Variants in MITF observed in about 807,000 individuals in gnomAD.
MITF encodes melanocyte inducing transcription factor.
A neutral mutation model predicts 60.5 loss-of-function variants in MITF; 17 were observed. The ratio of observed to expected loss-of-function variants is 0.28; its 90% CI spans 0.19 to 0.42. The LOEUF is 0.42. Among genes scored for constraint, MITF ranks in the 10% least tolerant of loss-of-function variants. MITF has a pLI of 1.00. For missense variants in MITF, 622 were observed against 683.5 expected, an observed-to-expected ratio of 0.91 and a Z score of 1.00; for synonymous variants, 260 against 248.5, an observed-to-expected ratio of 1.05 and a Z score of -0.43.
intron 2 of MITF, among the ~76,000 whole-genome samples, chr3:69,935,627 C>T (rs2065815798): frequency 1.3e-5 from 2 of 152,268 alleles, no homozygotes; most frequent in East Asian, 1.9e-4. Flanking sequence ...ATTTAGACAA[C>T]ATTATTGAAC....
intron 1 of MITF, among the ~76,000 whole-genome samples, chr3:69,841,338 C>T (rs1336613350): frequency 1.3e-5 from 2 of 152,172 alleles, no homozygotes; most frequent in African/African-American, 4.8e-5. Context: ...TGTTCAAACA[C>T]ATCTTTGTTT....
chr3:69,771,826 G>A (rs1265270585), intron 1 of MITF, among the ~76,000 whole-genome samples: 3 of 152,196 alleles, frequency 2.0e-5, no homozygotes, highest in Non-Finnish European at 4.4e-5. Flanking sequence ...ACAGATGTGT[G>A]TAGAGAATTG....
chr3:69,931,752 G>A (rs2065728693), intron 2 of MITF, among the ~76,000 whole-genome samples: 1 of 152,110 alleles, frequency 6.6e-6, no homozygotes, highest in South Asian at 2.1e-4. Flanking sequence ...CCTGGAATAT[G>A]CACCTGGAAT....
At chr3:69,834,460 T>C (rs919404199) in intron 1 of MITF, among the ~76,000 whole-genome samples, 1 of 152,214 alleles carries the variant, frequency 6.6e-6, no homozygotes, top group Admixed American at 6.5e-5. Flanking sequence ...TCCCTTAACA[T>C]GATAGCCTCC....
chr3:69,897,361 T>C (rs2064898655), intron 2 of MITF, among the ~76,000 whole-genome samples: 1 of 152,076 alleles, frequency 6.6e-6, no homozygotes, highest in African/African-American at 2.4e-5. Context: ...GAGTAAAGTA[T>C]ATGGAACCTT....
At position 69,739,659 on chromosome 3, in the gene MITF, C is replaced by G; in HGVS notation, c.62C>G (p.Pro21Arg). 6.3e-7 allele frequency: 1 copy of G among 1,583,762 alleles called. No individual in the cohort carries two copies. Among genetic ancestry groups the G allele is most frequent in the Non-Finnish European group, 8.6e-7 (1 of 1,163,274 alleles). The stretch of plus-strand genomic sequence containing the variant: ...GTCGGGGAGGAGTTTCATGAAGAGC[C>G]CAAAACCTATTACGAACTCAAAAGT... The part of the protein sequence containing the change: ...FEVGEEFHEE[P>R]KTYYELKSQP... Residue 21 changes from proline to arginine, a missense_variant, in exon 1 of 10, where the codon CCC (proline) becomes CGC (arginine). Physicochemically the swap from Pro to Arg is moderately radical, Grantham distance 103 (BLOSUM62 -2). Transcript: ENST00000352241.
At chr3:69,771,550 G>A (rs944222588) in intron 1 of MITF, among the ~76,000 whole-genome samples, 5 of 152,210 alleles carry the variant, frequency 3.3e-5, no homozygotes, top group African/African-American at 1.2e-4. Context: ...ACACATAGCT[G>A]CTTCAGCCAT....
At chr3:69,874,834 G>T (rs186910414) in intron 1 of MITF, among the ~76,000 whole-genome samples, 1 of 152,260 alleles carries the variant, frequency 6.6e-6, no homozygotes, top group East Asian at 1.9e-4. Flanking sequence ...GATATTGTTA[G>T]GTGGCTGACA....
At chr3:69,808,120 A>G (rs1428310975) in intron 1 of MITF, among the ~76,000 whole-genome samples, 2 of 147,752 alleles carry the variant, frequency 1.4e-5, no homozygotes, top group Admixed American at 1.4e-4. Flanking sequence ...ATAGTATAAT[A>G]TATAATATAA....
intron 1 of MITF, among the ~76,000 whole-genome samples, chr3:69,809,951 GTTTATACTTAGAGATTCTGT>G (rs2063074554): frequency 6.6e-6 from 1 of 152,108 alleles, no homozygotes; most frequent in African/African-American, 2.4e-5. Flanking sequence ...TTCAACTCTA[GTTTATACTTAGAGATTCTGT>G]TTTCATTAGC....
At chr3:69,933,973 T>C (rs905387724) in intron 2 of MITF, among the ~76,000 whole-genome samples, 13 of 152,192 alleles carry the variant, frequency 8.5e-5, no homozygotes, top group Non-Finnish European at 1.8e-4. Flanking sequence ...TAGAGCCTCA[T>C]AATAATGCTA....
intron 2 of MITF, among the ~76,000 whole-genome samples, chr3:69,931,743 C>T (rs2065728423): frequency 6.6e-6 from 1 of 152,030 alleles, no homozygotes; most frequent in African/African-American, 2.4e-5. Context: ...GGATATGCAC[C>T]TGGAATATGC....
intron 1 of MITF, among the ~76,000 whole-genome samples, chr3:69,852,607 G>A (rs996786813): frequency 6.6e-6 from 1 of 152,148 alleles, no homozygotes; most frequent in Admixed American, 6.5e-5. Context: ...TATGAGCAGT[G>A]TTGCAATGAA....
At chr3:69,947,380 T>G (rs1198140509) in intron 5 of MITF, among the ~76,000 whole-genome samples, 1 of 152,176 alleles carries the variant, frequency 6.6e-6, no homozygotes, top group East Asian at 1.9e-4. Context: ...CAGGGCTGTT[T>G]TGAAACATGT....
In MITF at chr3:69,965,690, A is replaced by C. The variant is rs1222694868; in HGVS notation, c.*442A>C. On this transcript the variant is annotated 3_prime_UTR_variant, in exon 10 of 10. Coordinates refer to ENST00000352241, the MANE Select transcript of MITF (RefSeq NM_001354604.2). ...GAAAGAAAGAGGAAAAGAAATCCAT[A>C]CTAACCCTTTTCCATTTTATAAATG... 4.0e-6 allele frequency: 1 copy of C among 249,600 alleles called. No homozygotes were observed. The highest frequency in any genetic ancestry group is 7.9e-6 in the Non-Finnish European group (1 of 126,518). The allele number at this position is 249,600 out of a possible 1,614,324, so 15.5% of individuals were successfully genotyped here. A position where few individuals can be genotyped will look rare whatever the true frequency, so the allele number is the denominator to read the frequency against.
chr3:69,838,627 C>T (rs373935434), intron 1 of MITF: 1 of 152,550 alleles, frequency 6.6e-6, no homozygotes, highest in African/African-American at 2.4e-5. Context: ...AGGATGGCTT[C>T]CCAGGGTAAG....
intron 5 of MITF, among the ~76,000 whole-genome samples, chr3:69,945,658 A>G (rs528009306): frequency 6.6e-6 from 1 of 152,306 alleles, no homozygotes; most frequent in African/African-American, 2.4e-5. Context: ...ACCATTTAGG[A>G]CACAGTTTCT....
chr3:69,927,626 C>T (rs568641995), intron 2 of MITF, among the ~76,000 whole-genome samples: 1 of 152,276 alleles, frequency 6.6e-6, no homozygotes. Context: ...ATTGTAATGA[C>T]TGCATAGGAT....
chr3:69,896,228 A>G (rs561180832), intron 2 of MITF, among the ~76,000 whole-genome samples: 17 of 152,308 alleles, frequency 1.1e-4, no homozygotes, highest in African/African-American at 4.1e-4. Context: ...GTCAAAGACA[A>G]GTTTTATCAT....
Sources: gnomAD v4.1 joint callset for allele counts (sites outside exome capture counted in the v4.1 genomes callset) on GRCh38, gnomAD v4.1.1 for gene constraint, MANE v1.5 for transcripts, NCBI Gene and HGNC (gene_info 2026-07-23, HGNC 2026-07-21) for gene names.